PRKAR1B: variants seen among roughly 807,000 people sequenced by gnomAD.
The protein encoded by PRKAR1B is protein kinase cAMP-dependent type I regulatory subunit beta, also known as cAMP-dependent protein kinase type I-beta regulatory subunit.
In PRKAR1B, 22 loss-of-function variants were observed where a neutral mutation model predicts 46.5. That is an observed-to-expected ratio of 0.47 (90% CI 0.34 to 0.68). The LOEUF (loss-of-function observed/expected upper bound fraction) is 0.68. Ranked by LOEUF, PRKAR1B falls within the 30% of genes least tolerant of loss-of-function variation. PRKAR1B has a pLI of 0.01. For synonymous variants in PRKAR1B, 259 were observed against 217.7 expected (o/e 1.19, Z -1.67); for missense variants, 445 against 535.6 (o/e 0.83, Z 1.67).
At chr7:556,612 G>A (rs1778457525) in intron 9 of PRKAR1B, among the ~76,000 whole-genome samples, 1 of 152,224 alleles carries the variant, frequency 6.6e-6, no homozygotes, top group South Asian at 2.1e-4. Flanking sequence ...GGTCCCCGAG[G>A]CGTCCGCGTT....
chr7:555,207 C>T (rs1778351795), intron 9 of PRKAR1B, among the ~76,000 whole-genome samples: 1 of 152,194 alleles, frequency 6.6e-6, no homozygotes, highest in Admixed American at 6.5e-5. Context: ...ACTGGACGTG[C>T]CCCGCTCTGG....
At chr7:553,624 A>G (rs1784386199) in intron 9 of PRKAR1B, among the ~76,000 whole-genome samples, 1 of 152,158 alleles carries the variant, frequency 6.6e-6, no homozygotes. Context: ...CTTGGAGAAC[A>G]AACACTTCAT....
At chr7:655,675 C>T (rs1785152270) in intron 4 of PRKAR1B, among the ~76,000 whole-genome samples, 1 of 152,226 alleles carries the variant, frequency 6.6e-6, no homozygotes, top group Admixed American at 6.5e-5. Context: ...CTTGTATCTG[C>T]AGCCCCTCGG....
intron 4 of PRKAR1B, among the ~76,000 whole-genome samples, chr7:673,467 G>A (rs1786402919): frequency 6.6e-6 from 1 of 151,892 alleles, no homozygotes; most frequent in African/African-American, 2.4e-5. Flanking sequence ...GGCCAACACA[G>A]TGAAACCCCA....
chr7:615,904 AAGAG>A (rs1228517944), intron 4 of PRKAR1B, among the ~76,000 whole-genome samples: 1 of 151,638 alleles, frequency 6.6e-6, no homozygotes, highest in Non-Finnish European at 1.5e-5. Context: ...AGAAAAAAGG[AAGAG>A]AGAAAGAGAG....
At chr7:658,055 G>A (rs780369207) in intron 4 of PRKAR1B, among the ~76,000 whole-genome samples, 29 of 152,134 alleles carry the variant, frequency 1.9e-4, no homozygotes, top group Admixed American at 3.9e-4. Flanking sequence ...GCAGCTCCGT[G>A]AGCCAGCATA....
chr7:652,916 G>A (rs1283037755), intron 4 of PRKAR1B, among the ~76,000 whole-genome samples: 1 of 152,230 alleles, frequency 6.6e-6, no homozygotes, highest in Non-Finnish European at 1.5e-5. Flanking sequence ...CTCCCATGGT[G>A]TTGGCTGGGA....
intron 9 of PRKAR1B, among the ~76,000 whole-genome samples, chr7:574,249 G>A (rs928802662): frequency 6.6e-6 from 1 of 152,254 alleles, no homozygotes; most frequent in Admixed American, 6.5e-5. Context: ...AGCCGAGGCT[G>A]CCAACTCAGA....
At chr7:671,228 G>A (rs1163841980) in intron 4 of PRKAR1B, among the ~76,000 whole-genome samples, 1 of 152,212 alleles carries the variant, frequency 6.6e-6, no homozygotes, top group Non-Finnish European at 1.5e-5. Flanking sequence ...CTGAAGGTGG[G>A]CGTGGATGTC....
intron 4 of PRKAR1B, among the ~76,000 whole-genome samples, chr7:655,866 G>A (rs1398689338): frequency 2.0e-5 from 3 of 152,172 alleles, no homozygotes; most frequent in Non-Finnish European, 4.4e-5. Context: ...GTGAAACAGA[G>A]CAAATGACGC....
chr7:716,348 AC>A (rs144655788), intron 1 of PRKAR1B, among the ~76,000 whole-genome samples: 6,785 of 150,778 alleles, frequency 0.045, 218 homozygotes, highest in Non-Finnish European at 0.069. Context: ...GAGCCACCGC[AC>A]CCGGTCCGAA....
At chr7:704,530 C>T (rs1321875159) in intron 2 of PRKAR1B, among the ~76,000 whole-genome samples, 2 of 152,154 alleles carry the variant, frequency 1.3e-5, no homozygotes, top group African/African-American at 4.8e-5. Context: ...AATCCCAGCG[C>T]TTTGGGAGGC....
chr7:604,697 G>C (rs533745994), intron 6 of PRKAR1B, among the ~76,000 whole-genome samples: 2 of 152,330 alleles, frequency 1.3e-5, no homozygotes, highest in Non-Finnish European at 1.5e-5. Context: ...GGCTGCCACG[G>C]AAACAAATGA....
chr7:581,819 G>T (rs915132442), intron 8 of PRKAR1B, among the ~76,000 whole-genome samples: 3 of 152,020 alleles, frequency 2.0e-5, no homozygotes, highest in African/African-American at 7.2e-5. Context: ...GGGCTCAAGC[G>T]ATCCTCCCAC....
intron 2 of PRKAR1B, among the ~76,000 whole-genome samples, chr7:692,958 G>T (rs1779519888): frequency 1.3e-5 from 2 of 151,448 alleles, no homozygotes; most frequent in African/African-American, 4.9e-5. Flanking sequence ...TTCTTGAGAT[G>T]GAGTCTCGCT....
intron 7 of PRKAR1B, among the ~76,000 whole-genome samples, chr7:591,667 T>C (rs1328112865): frequency 1.3e-5 from 2 of 151,928 alleles, no homozygotes; most frequent in African/African-American, 2.4e-5. Flanking sequence ...TTGGGCAACA[T>C]ATCAAGACTT....
chr7:550,439 G>A lies in PRKAR1B; in HGVS notation c.1137C>T (p.Leu379=), dbSNP rs1358430638. The A allele has an allele frequency of 6.3e-7, 1 of 1,590,574 alleles. No homozygotes were observed. Among genetic ancestry groups the A allele is most frequent in the Non-Finnish European group, 8.6e-7 (1 of 1,169,002 alleles). ...NIQRYNSFIS[L]TV Reference sequence around the variant, plus strand: ...AGGGCGGGAGCTGTGCTCAGACGGTGAGGGAGATGAAGCTGTTGTAACGCT... The same window carrying A: ...AGGGCGGGAGCTGTGCTCAGACGGTAAGGGAGATGAAGCTGTTGTAACGCT... The change falls in exon 11 of 11, where the codon CTC becomes CTT. Residue 379 remains leucine (L), a synonymous_variant. Transcript: ENST00000537384.
rs562179277 is a variant in PRKAR1B at position 570,056 on chromosome 7, C to T, written c.891+9200G>A. Reference sequence around the variant, plus strand: ...GCCAAATGGGCCCCCTTTCAAGATGCGCTGAGATTTCCCTCAGACAGGGAA... The same window carrying T: ...GCCAAATGGGCCCCCTTTCAAGATGTGCTGAGATTTCCCTCAGACAGGGAA... On this transcript the variant is annotated intron_variant, in intron 9 of 10. Coordinates refer to ENST00000537384, the MANE Select transcript of PRKAR1B (RefSeq NM_001164760.2). Among the ~76,000 whole-genome samples the T allele has an allele frequency of 1.7e-4, 26 of 152,366 alleles. 1 individual carries two copies. In the South Asian group the frequency reaches 3.9e-3, roughly 23 times the overall value.
intron 4 of PRKAR1B, among the ~76,000 whole-genome samples, chr7:665,787 G>GC (rs983738816): frequency 6.6e-6 from 1 of 152,234 alleles, no homozygotes; most frequent in Non-Finnish European, 1.5e-5. Context: ...CCCTTCAGCT[G>GC]CCCGTGAATT....
Sources: gnomAD v4.1 joint callset for allele counts (sites outside exome capture counted in the v4.1 genomes callset) on GRCh38, gnomAD v4.1.1 for gene constraint, MANE v1.5 for transcripts, NCBI Gene and HGNC (gene_info 2026-07-23, HGNC 2026-07-21) for gene names.